Variants in VPS13C observed in about 807,000 individuals in gnomAD.
The protein encoded by VPS13C is vacuolar protein sorting 13 homolog C, also known as intermembrane lipid transfer protein VPS13C.
VPS13C carries 358 observed loss-of-function variants against 456.8 expected under a neutral mutation model. That is an observed-to-expected ratio of 0.78 (90% CI 0.72 to 0.86). The LOEUF (loss-of-function observed/expected upper bound fraction) is 0.86. Among genes scored for constraint, VPS13C ranks in the 40% least tolerant of loss-of-function variants. The probability of loss-of-function intolerance (pLI) is 0.00; values close to 1 mark genes in which losing one functional copy is unlikely to be tolerated. For synonymous variants in VPS13C, 1,578 were observed against 1,486.7 expected (o/e 1.06, Z -1.41); for missense variants, 4,818 against 4,385.4 (o/e 1.10, Z -2.79).
rs1895796057 is a variant in VPS13C at position 61,880,864 on chromosome 15, G to A, written c.9867C>T (p.Asp3289=). 1.3e-6 allele frequency: 2 copies of A among 1,598,910 alleles called. No homozygotes were observed. Among genetic ancestry groups the A allele is most frequent in the South Asian group, 1.2e-5 (1 of 85,860 alleles). The part of the protein sequence containing the change: ...AIIALFTPTT[D]PEAERRRTKL... The stretch of plus-strand genomic sequence containing the variant: ...TTACCCGTCTTCTTTCAGCTTCAGG[G>A]TCTGTTGTTGGGGTAAACAGTGCAA... Residue 3289 remains aspartate, a synonymous_variant, in exon 72 of 85, where the codon GAC becomes GAT. Transcript: ENST00000644861.
At position 61,910,209 on chromosome 15, in the gene VPS13C, C is replaced by A. The variant is rs376794194; in HGVS notation, c.8812G>T (p.Asp2938Tyr). The change falls in exon 64 of 85, where the codon GAT (aspartate) becomes TAT (tyrosine). Residue 2938 changes from aspartate to tyrosine, a missense_variant. This residue lies in a region of VPS13C where 4,552 missense variants were observed against 4,130.6 expected (regional missense o/e 1.10). Coordinates refer to ENST00000644861, the MANE Select transcript of VPS13C (RefSeq NM_020821.3). The part of the protein sequence containing the change: ...SSKPFFYNRQ[D>Y]NGTLLSLEDL... ...TCTAAGCTCAATAAAGTGCCATTAT[C>A]CTGTCGGTTATAAAAGAATGGTTTG... 4 of 1,480,702 alleles carry A rather than the reference C, an allele frequency of 2.7e-6. No homozygotes were observed. The African/African-American group carries it at 4.3e-5, about 16-fold the overall frequency. 91.7% of individuals were successfully genotyped at this position (1,480,702 alleles called of 1,614,324 possible).
In VPS13C at chr15:61,959,528, G is replaced by A. The variant is rs935544854; in HGVS notation, c.3976C>T (p.Leu1326Phe). Residue 1326 changes from leucine to phenylalanine, a missense_variant, in exon 36 of 85, where the codon CTT (leucine) becomes TTT (phenylalanine). This residue lies in a region of VPS13C where 4,552 missense variants were observed against 4,130.6 expected (regional missense o/e 1.10). Transcript: ENST00000644861. ...GATGCAGCTAGATTCCGATTTACAAGAAATTCCAAGTTAATTGGGTGCAAC... is the reference window on the plus strand; with the variant it reads ...GATGCAGCTAGATTCCGATTTACAAAAAATTCCAAGTTAATTGGGTGCAAC... ...QLLHPINLEFLVNRNLAASWY... is the reference protein window; with the variant it reads ...QLLHPINLEFFVNRNLAASWY... 3 of 1,612,956 alleles carry A rather than the reference G, an allele frequency of 1.9e-6. No individual in the cohort carries two copies. In the African/African-American group the frequency reaches 4.0e-5, roughly 22 times the overall value.
chr15:62,020,175 A>G (rs1415541607), intron 9 of VPS13C, among the ~76,000 whole-genome samples: 1 of 151,950 alleles, frequency 6.6e-6, no homozygotes, highest in African/African-American at 2.4e-5. Context: ...GAAGATGAGT[A>G]CATGACTCTA....
intron 57 of VPS13C, among the ~76,000 whole-genome samples, chr15:61,919,740 C>T (rs2043588307): frequency 1.3e-5 from 2 of 150,570 alleles, no homozygotes; most frequent in Non-Finnish European, 3.0e-5. Flanking sequence ...AGTGTCAACA[C>T]TGTAAGACTT....
intron 67 of VPS13C, 24 bp from the exon 68 acceptor site, chr15:61,884,293 T>A (rs1896103468): frequency 1.2e-6 from 2 of 1,604,180 alleles, no homozygotes; most frequent in Non-Finnish European, 1.7e-6. Flanking sequence ...ACAAAAAAAT[T>A]AAATTAGCAA....
chr15:61,861,144 G>A (rs1253716709), intron 82 of VPS13C, among the ~76,000 whole-genome samples: 5 of 151,342 alleles, frequency 3.3e-5, no homozygotes, highest in South Asian at 2.1e-4. Flanking sequence ...TGCATTTTTC[G>A]TAGAGATGAG....
chr15:61,897,053 A>T (rs954245990), intron 66 of VPS13C, among the ~76,000 whole-genome samples: 21 of 152,286 alleles, frequency 1.4e-4, no homozygotes, highest in African/African-American at 5.1e-4. Flanking sequence ...TGTCTGTTAG[A>T]AGGAAAACTA....
chr15:61,947,146 G>T (rs996112354), intron 43 of VPS13C, 47 bp downstream of exon 43: 1 of 1,249,626 alleles, frequency 8.0e-7, no homozygotes. Context: ...ATTTTTCCTA[G>T]TTATGTAAAG....
At chr15:61,989,632 G>A (rs949909554) in intron 18 of VPS13C, among the ~76,000 whole-genome samples, 3 of 152,068 alleles carry the variant, frequency 2.0e-5, no homozygotes, top group African/African-American at 7.2e-5. Context: ...CATATCTAAA[G>A]ACCAAAGACC....
intron 40 of VPS13C, 99 bp downstream of exon 40, chr15:61,950,846 T>A (rs577222783): frequency 1.2e-6 from 1 of 817,494 alleles, no homozygotes; most frequent in African/African-American, 1.7e-5. Flanking sequence ...TAAGTTTAGG[T>A]AGAAAAATGT....
intron 39 of VPS13C, 76 bp downstream of exon 39, chr15:61,951,748 A>T: frequency 7.1e-7 from 1 of 1,411,794 alleles, no homozygotes; most frequent in Non-Finnish European, 9.4e-7. Flanking sequence ...ACAGAAATCA[A>T]TATGTTTAAT....
At chr15:61,947,756 G>T (rs866835994) in intron 42 of VPS13C, among the ~76,000 whole-genome samples, 6 of 152,028 alleles carry the variant, frequency 3.9e-5, no homozygotes, top group Non-Finnish European at 8.8e-5. Flanking sequence ...ATTTACTATG[G>T]CACTTACATG....
chr15:61,986,939 T>C lies in VPS13C; in HGVS notation c.1579-1940A>G, dbSNP rs542213510. 2.0e-5 allele frequency among the ~76,000 whole-genome samples: 3 copies of C among 151,932 alleles called. No homozygotes were observed. In the South Asian group the frequency reaches 6.3e-4, roughly 32 times the overall value. ...ATATTTTCAGAAAGACAAAAAAAAT[T>C]TAAAAACTCATCACCAGCAGAACTG... On this transcript the variant is annotated intron_variant, in intron 18 of 84. Transcript: ENST00000644861.
chr15:61,992,189 A>G (rs572393401), intron 16 of VPS13C, among the ~76,000 whole-genome samples: 57 of 152,336 alleles, frequency 3.7e-4, no homozygotes, highest in African/African-American at 1.3e-3. Context: ...ATTAATTTAA[A>G]ACAATTATAT....
At chr15:61,997,514 G>C (rs920428386) in intron 16 of VPS13C, among the ~76,000 whole-genome samples, 5 of 152,132 alleles carry the variant, frequency 3.3e-5, no homozygotes, top group African/African-American at 1.2e-4. Flanking sequence ...TGAGGTCTAA[G>C]AGATAGCTAA....
chr15:61,957,769 T>C (rs555094726), intron 37 of VPS13C, among the ~76,000 whole-genome samples: 2 of 152,124 alleles, frequency 1.3e-5, no homozygotes, highest in Admixed American at 6.6e-5. Flanking sequence ...CAATGCAACA[T>C]GGTAATAATG....
At chr15:61,906,072 A>G (rs1195737854) in intron 66 of VPS13C, among the ~76,000 whole-genome samples, 1 of 152,130 alleles carries the variant, frequency 6.6e-6, no homozygotes, top group Non-Finnish European at 1.5e-5. Context: ...TATTTTTTTC[A>G]TAAAGCCCAT....
intron 41 of VPS13C, among the ~76,000 whole-genome samples, chr15:61,950,054 C>T (rs566498250): frequency 8.5e-5 from 13 of 152,240 alleles, no homozygotes; most frequent in African/African-American, 2.9e-4. Context: ...CTTCCATCAA[C>T]GCTAGGCCAA....
Position 61,880,935 on chromosome 15 carries a change from G to A in VPS13C, c.9796C>T (p.Gln3266Ter). Residue 3266 changes from glutamine to a stop codon, truncating the protein, a stop_gained, in exon 72 of 85, where the codon CAG (glutamine) becomes TAG (stop). Coordinates refer to ENST00000644861, the MANE Select transcript of VPS13C (RefSeq NM_020821.3). LOFTEE classifies it high-confidence loss of function. The stretch of plus-strand genomic sequence containing the variant: ...TGATCAATTTTTAAGGCCATTTCCT[G>A]AATGAGGACCATAAAATACCTAAGA... ...LQFKYFMVLI[Q>*]EMALKIDQGF... 6.2e-7 allele frequency: 1 copy of A among 1,605,944 alleles called. No individual in the cohort carries two copies. Among genetic ancestry groups the A allele is most frequent in the Non-Finnish European group, 8.5e-7 (1 of 1,176,844 alleles).
Sources: allele counts gnomAD v4.1 joint callset (sites outside exome capture counted in the v4.1 genomes callset), GRCh38; gene constraint gnomAD v4.1.1; regional missense constraint gnomAD v4.1.1; transcripts MANE v1.5; gene names NCBI Gene and HGNC (gene_info 2026-07-23, HGNC 2026-07-21).